UGT1A5: variants seen among roughly 807,000 people sequenced by gnomAD.
The protein encoded by UGT1A5 is UDP glucuronosyltransferase family 1 member A5, also known as UDP-glucuronosyltransferase 1A5.
In UGT1A5, 29 loss-of-function variants were observed where a neutral mutation model predicts 40.3. That is an observed-to-expected ratio of 0.72 (90% CI 0.54 to 0.98). The LOEUF is 0.98. Among genes scored for constraint, UGT1A5 ranks in the 50% least tolerant of loss-of-function variants. UGT1A5 has a pLI of 0.00. For missense variants in UGT1A5, 678 were observed against 677.9 expected (o/e 1.00, Z 0.00); for synonymous variants, 257 against 262.5 (o/e 0.98, Z 0.20).
In UGT1A5 at chr2:233,713,021, G is replaced by C. The variant is rs201536382; in HGVS notation, c.30G>C (p.Pro10=). 1 of 1,613,716 alleles carries C rather than the reference G, an allele frequency of 6.2e-7. No homozygotes were observed. Among genetic ancestry groups the C allele is most frequent in the Non-Finnish European group, 8.5e-7 (1 of 1,180,016 alleles). The change falls in exon 1 of 5, where the codon CCG becomes CCC. Residue 10 remains proline, a synonymous_variant. Coordinates refer to ENST00000373414, the MANE Select transcript of UGT1A5 (RefSeq NM_019078.2). The part of the protein sequence containing the change: MATGLQVPL[P]QLATGLLLLL... Reference sequence around the variant, plus strand: ...CCACAGGACTCCAGGTTCCCCTGCCGCAGCTGGCCACAGGACTGCTGCTTC... The same window carrying C: ...CCACAGGACTCCAGGTTCCCCTGCCCCAGCTGGCCACAGGACTGCTGCTTC...
intron 1 of UGT1A5, among the ~76,000 whole-genome samples, chr2:233,720,605 A>C (rs1246290812): frequency 6.6e-6 from 1 of 152,152 alleles, no homozygotes; most frequent in Non-Finnish European, 1.5e-5. Context: ...TTTCATTAAT[A>C]CAGAATATTT....
At chr2:233,720,787 C>G (rs369291144) in intron 1 of UGT1A5, among the ~76,000 whole-genome samples, 1 of 151,128 alleles carries the variant, frequency 6.6e-6, no homozygotes, top group Non-Finnish European at 1.5e-5. Flanking sequence ...CTCACTGCAA[C>G]CTTCACCTCC....
intron 1 of UGT1A5, chr2:233,748,014 C>G: frequency 6.2e-7 from 1 of 1,613,488 alleles, no homozygotes; most frequent in Non-Finnish European, 8.5e-7. Flanking sequence ...TTACCCCAGG[C>G]CGATCATGCC....
intron 1 of UGT1A5, among the ~76,000 whole-genome samples, chr2:233,761,373 T>G (rs1041958865): frequency 6.6e-6 from 1 of 152,254 alleles, no homozygotes; most frequent in Middle Eastern, 3.2e-3. Context: ...TTGGACATTT[T>G]ACTCTGTGTG....
rs549717724 is a variant in UGT1A5 at position 233,729,172 on chromosome 2, C to T, written c.867+15314C>T. 1.0e-4 allele frequency: 161 copies of T among 1,613,762 alleles called. No homozygotes were observed. In the East Asian group the frequency reaches 3.5e-3, roughly 35 times the overall value. ...TCCCCTGCCGTGGCTGGCCACAGGA[C>T]TGCTGCTTCTCCTCAGTGTCCAGCC... On this transcript the variant is annotated intron_variant, in intron 1 of 4. Coordinates refer to ENST00000373414, the MANE Select transcript of UGT1A5 (RefSeq NM_019078.2).
rs1170923656 is a variant in UGT1A5 at position 233,772,696 on chromosome 2, T to TA, written c.*143dup. The TA allele has an allele frequency of 2.8e-5, 41 of 1,482,484 alleles. No individual in the cohort carries two copies. The highest frequency in any genetic ancestry group is 3.6e-5 in the Non-Finnish European group (41 of 1,123,730). The allele number at this position is 1,482,484 out of a possible 1,614,324, so 91.8% of individuals were successfully genotyped here. ...TAAATTAATCAGCCCCAGAGTGCTT[T>TA]AAAAAATTCTCTTAAATAAAAATAA... On this transcript the variant is annotated 3_prime_UTR_variant, in exon 5 of 5. Transcript: ENST00000373414.
At chr2:233,751,090 G>C (rs1035981747) in intron 1 of UGT1A5, among the ~76,000 whole-genome samples, 2 of 151,962 alleles carry the variant, frequency 1.3e-5, no homozygotes, top group African/African-American at 2.4e-5. Context: ...GCAGCCAGGA[G>C]GAGGGCTTTG....
At chr2:233,725,989 G>C (rs2077488479) in intron 1 of UGT1A5, among the ~76,000 whole-genome samples, 1 of 152,034 alleles carries the variant, frequency 6.6e-6, no homozygotes, top group African/African-American at 2.4e-5. Context: ...AACGTGCTGA[G>C]ACTGCATCTC....
At position 233,767,856 on chromosome 2, in the gene UGT1A5, G is replaced by A; in HGVS notation, c.1007G>A (p.Trp336Ter). 1 of 1,614,108 alleles carries A rather than the reference G, an allele frequency of 6.2e-7. No homozygotes were observed. Among genetic ancestry groups the A allele is most frequent in the Admixed American group, 1.7e-5 (1 of 60,022 alleles). The change falls in exon 3 of 5, where the codon TGG becomes TAG. Residue 336 changes from tryptophan (W) to a stop codon, truncating the protein, a stop_gained. Transcript: ENST00000373414. LOFTEE classifies it high-confidence loss of function. ...TCTTTTTGCCCCTCCCAGGTCCTGT[G>A]GCGGTACACTGGAACCCGACCATCG... Reference protein sequence around the residue: ...ALGKIPQTVLWRYTGTRPSNL... With the variant: ...ALGKIPQTVL
chr2:233,713,732 T>C lies in UGT1A5; in HGVS notation c.741T>C (p.Asp247=). Residue 247 remains aspartate (D), a synonymous_variant, in exon 1 of 5, where the codon GAT becomes GAC. Transcript: ENST00000373414. ...TTCAGAGAGAGGTGTCAGTGGTGGA[T>C]CTTGTCAGCCATGCATCTGTGTGGC... is the stretch of plus-strand genomic sequence containing the variant. The part of the protein sequence containing the change: ...ELFQREVSVV[D]LVSHASVWLF... 6.2e-7 allele frequency: 1 copy of C among 1,613,896 alleles called. No individual in the cohort carries two copies. The highest frequency in any genetic ancestry group is 1.1e-5 in the South Asian group (1 of 91,052).
At chr2:233,725,013 C>T (rs2077345814) in intron 1 of UGT1A5, among the ~76,000 whole-genome samples, 2 of 148,174 alleles carry the variant, frequency 1.3e-5, no homozygotes, top group Admixed American at 1.4e-4. Flanking sequence ...CCCGGCCAAA[C>T]AGCAAAACCC....
intron 1 of UGT1A5, chr2:233,755,332 C>T (rs556124321): frequency 8.7e-6 from 4 of 459,716 alleles, no homozygotes; most frequent in South Asian, 5.8e-5. Flanking sequence ...CCAGCACCCG[C>T]GCACAGGTCA....
Position 233,772,382 on chromosome 2 carries a change from C to T in UGT1A5, c.1428C>T (p.Arg476=). 5 of 1,614,256 alleles carry T rather than the reference C, an allele frequency of 3.1e-6. No homozygotes were observed. The highest frequency in any genetic ancestry group is 2.5e-6 in the Non-Finnish European group (3 of 1,180,048). ...GGCACAAGGGCGCGCCACACCTGCGCCCCGCAGCCCACGACCTCACCTGGT... is the reference window on the plus strand; with the variant it reads ...GGCACAAGGGCGCGCCACACCTGCGTCCCGCAGCCCACGACCTCACCTGGT... ...VMRHKGAPHL[R]PAAHDLTWYQ... The change falls in exon 5 of 5, where the codon CGC becomes CGT. Residue 476 remains arginine, a synonymous_variant. Coordinates refer to ENST00000373414, the MANE Select transcript of UGT1A5 (RefSeq NM_019078.2).
chr2:233,751,669 T>C (rs923739098), intron 1 of UGT1A5, among the ~76,000 whole-genome samples: 3 of 152,228 alleles, frequency 2.0e-5, no homozygotes, highest in African/African-American at 7.2e-5. Flanking sequence ...GAGTGAGTTC[T>C]AATGAGAGCT....
chr2:233,739,303 T>C (rs1302009262), intron 1 of UGT1A5, among the ~76,000 whole-genome samples: 34 of 152,248 alleles, frequency 2.2e-4, no homozygotes, highest in Non-Finnish European at 1.2e-4. Context: ...GGGCACTGCC[T>C]AGTGGAGTTG....
chr2:233,729,743 C>T (rs748913597), intron 1 of UGT1A5: 1 of 1,613,994 alleles, frequency 6.2e-7, no homozygotes, highest in Non-Finnish European at 8.5e-7. Context: ...GACCACATGA[C>T]ATTCATGCAA....
intron 1 of UGT1A5, chr2:233,747,870 C>T (rs1693798797): frequency 1.2e-6 from 2 of 1,613,434 alleles, no homozygotes; most frequent in Non-Finnish European, 1.7e-6. Context: ...CCCTCTGGCC[C>T]TGTCCTACCT....
chr2:233,750,271 C>T (rs1694411042), intron 1 of UGT1A5, among the ~76,000 whole-genome samples: 1 of 151,886 alleles, frequency 6.6e-6, no homozygotes, highest in South Asian at 2.1e-4. Flanking sequence ...TATGCTTTAG[C>T]AAAGAGACTG....
chr2:233,718,650 G>A (rs762582073), intron 1 of UGT1A5: 221 of 1,506,712 alleles, frequency 1.5e-4, no homozygotes, highest in Middle Eastern at 2.4e-4. Context: ...GGCCCATAAC[G>A]AAAGGCAGTT....
Sources: allele counts gnomAD v4.1 joint callset (sites outside exome capture counted in the v4.1 genomes callset), GRCh38; gene constraint gnomAD v4.1.1; transcripts MANE v1.5; gene names NCBI Gene and HGNC (gene_info 2026-07-23, HGNC 2026-07-21).